Variants in NMNAT2 observed in about 807,000 individuals in gnomAD.
The protein encoded by NMNAT2 is nicotinamide/nicotinic acid mononucleotide adenylyltransferase 2.
A neutral mutation model predicts 41.6 loss-of-function variants in NMNAT2; 11 were observed. The observed-to-expected ratio is 0.26, with a 90% CI of 0.17 to 0.44. NMNAT2 has a LOEUF of 0.44. Among genes scored for constraint, NMNAT2 ranks in the 20% least tolerant of loss-of-function variants. The pLI is 1.00. For missense variants in NMNAT2, 288 were observed against 407.7 expected (o/e 0.71, Z 2.53); for synonymous variants, 148 against 151.2 (o/e 0.98, Z 0.16).
At chr1:183,398,259 T>A (rs576257780) in intron 1 of NMNAT2, among the ~76,000 whole-genome samples, 46 of 152,178 alleles carry the variant, frequency 3.0e-4, no homozygotes, top group Middle Eastern at 6.8e-3. Context: ...GGGGTTGCAA[T>A]CCTAGTCTCT....
chr1:183,302,845 T>C (rs1052789013), intron 1 of NMNAT2, among the ~76,000 whole-genome samples: 1 of 152,104 alleles, frequency 6.6e-6, no homozygotes, highest in African/African-American at 2.4e-5. Context: ...CCCTGGAGCC[T>C]CTGCCCTTGT....
chr1:183,317,257 A>G (rs1662273722), intron 1 of NMNAT2, among the ~76,000 whole-genome samples: 1 of 152,170 alleles, frequency 6.6e-6, no homozygotes, highest in Admixed American at 6.5e-5. Context: ...ATCCTCCAGC[A>G]TACCCTGAGC....
chr1:183,374,263 C>T (rs565507281), intron 1 of NMNAT2, among the ~76,000 whole-genome samples: 1 of 150,084 alleles, frequency 6.7e-6, no homozygotes, highest in African/African-American at 2.4e-5. Flanking sequence ...ATGTTTCCTC[C>T]AAAGGGAAGA....
chr1:183,333,509 A>G (rs536853731), intron 1 of NMNAT2, among the ~76,000 whole-genome samples: 1 of 152,320 alleles, frequency 6.6e-6, no homozygotes, highest in African/African-American at 2.4e-5. Flanking sequence ...AAAGAAGCAG[A>G]GGTCAGAGTA....
At position 183,359,500 on chromosome 1, in the gene NMNAT2, A is replaced by G. The variant is rs143058350; in HGVS notation, c.85+58683T>C. On this transcript the variant is annotated intron_variant, in intron 1 of 10. Coordinates refer to ENST00000287713, the MANE Select transcript of NMNAT2 (RefSeq NM_015039.4). ...TGAAAAGCAGACACCAGCAGTCTTCACCTCTTAAATTCTTAGATCACTTTA... is the reference window on the plus strand; with the variant it reads ...TGAAAAGCAGACACCAGCAGTCTTCGCCTCTTAAATTCTTAGATCACTTTA... Among the ~76,000 whole-genome samples the G allele has an allele frequency of 3.9e-4, 59 of 152,264 alleles. 2 individuals carry two copies. In the East Asian group the frequency reaches 0.011, roughly 27 times the overall value.
At chr1:183,403,987 G>T (rs577243679) in intron 1 of NMNAT2, among the ~76,000 whole-genome samples, 14 of 152,096 alleles carry the variant, frequency 9.2e-5, no homozygotes, top group Admixed American at 7.2e-4. Context: ...GAAGAAAAAG[G>T]GTCCCTATTT....
intron 1 of NMNAT2, among the ~76,000 whole-genome samples, chr1:183,295,749 G>C (rs150271344): frequency 3.9e-5 from 6 of 152,220 alleles, no homozygotes; most frequent in African/African-American, 1.4e-4. Context: ...AATGCCATAT[G>C]GTTGGAATCA....
At chr1:183,411,234 C>T (rs1225221050) in intron 1 of NMNAT2, among the ~76,000 whole-genome samples, 1 of 152,176 alleles carries the variant, frequency 6.6e-6, no homozygotes, top group East Asian at 1.9e-4. Context: ...AGCCATAGAG[C>T]CTTCCTGACT....
intron 8 of NMNAT2, among the ~76,000 whole-genome samples, chr1:183,272,045 A>C (rs1661000180): frequency 1.3e-5 from 2 of 152,200 alleles, no homozygotes; most frequent in Non-Finnish European, 2.9e-5. Flanking sequence ...GAGCCACCAC[A>C]CCTGGCCTTG....
chr1:183,297,479 T>C (rs1661733630), intron 1 of NMNAT2, among the ~76,000 whole-genome samples: 1 of 148,800 alleles, frequency 6.7e-6, no homozygotes. Flanking sequence ...GCCTCCCGGG[T>C]TCAAGCGATT....
chr1:183,284,141 G>A (rs1025811526), intron 6 of NMNAT2, 102 bp from the exon 7 acceptor site: 5 of 1,005,558 alleles, frequency 5.0e-6, no homozygotes, highest in African/African-American at 3.2e-5. Flanking sequence ...GGGATGGGGT[G>A]GGGTGGGTGC....
chr1:183,417,420 C>T (rs984803656), intron 1 of NMNAT2, among the ~76,000 whole-genome samples: 1 of 152,154 alleles, frequency 6.6e-6, no homozygotes, highest in Non-Finnish European at 1.5e-5. Flanking sequence ...CGAGTGCCAT[C>T]GCCACCCTGG....
chr1:183,383,975 G>A (rs1032472664), intron 1 of NMNAT2, among the ~76,000 whole-genome samples: 2 of 152,134 alleles, frequency 1.3e-5, no homozygotes, highest in African/African-American at 2.4e-5. Flanking sequence ...CCACTTCTTG[G>A]CACAAATTTT....
intron 8 of NMNAT2, among the ~76,000 whole-genome samples, chr1:183,276,839 G>A (rs991033254): frequency 2.6e-5 from 4 of 152,228 alleles, no homozygotes; most frequent in Non-Finnish European, 5.9e-5. Context: ...AGCTAATTAA[G>A]CCACTTAATT....
chr1:183,368,901 G>C (rs1456985291), intron 1 of NMNAT2, among the ~76,000 whole-genome samples: 1 of 152,238 alleles, frequency 6.6e-6, no homozygotes, highest in Non-Finnish European at 1.5e-5. Flanking sequence ...TTAGCAAGCA[G>C]TGTTCCATTT....
intron 1 of NMNAT2, among the ~76,000 whole-genome samples, chr1:183,412,151 G>A (rs888178902): frequency 1.3e-5 from 2 of 152,252 alleles, no homozygotes; most frequent in Non-Finnish European, 2.9e-5. Context: ...CGGAGCTCTG[G>A]AGGATTTGGA....
intron 1 of NMNAT2, among the ~76,000 whole-genome samples, chr1:183,348,107 C>T (rs1662970705): frequency 6.6e-6 from 1 of 152,122 alleles, no homozygotes; most frequent in Non-Finnish European, 1.5e-5. Context: ...ATGCCCTGCT[C>T]TTTTATTTTC....
intron 1 of NMNAT2, among the ~76,000 whole-genome samples, chr1:183,414,358 A>G (rs1285463386): frequency 6.6e-6 from 1 of 152,250 alleles, no homozygotes; most frequent in African/African-American, 2.4e-5. Flanking sequence ...TATAGCCAAA[A>G]TAATCTGAGC....
intron 1 of NMNAT2, among the ~76,000 whole-genome samples, chr1:183,383,978 C>T (rs1663856864): frequency 1.3e-5 from 2 of 152,214 alleles, no homozygotes; most frequent in Non-Finnish European, 1.5e-5. Context: ...CTTCTTGGCA[C>T]AAATTTTCTG....
Sources: allele counts gnomAD v4.1 joint callset (sites outside exome capture counted in the v4.1 genomes callset), GRCh38; gene constraint gnomAD v4.1.1; transcripts MANE v1.5; gene names NCBI Gene and HGNC (gene_info 2026-07-23, HGNC 2026-07-21).